The following PLXNA4 variants were observed in gnomAD, a reference collection of about 807,000 sequenced individuals.
PLXNA4 encodes plexin A4, also known as plexin-A4.
A neutral mutation model predicts 191.8 loss-of-function variants in PLXNA4; 44 were observed. The ratio of observed to expected loss-of-function variants is 0.23; its 90% confidence interval spans 0.18 to 0.29. The LOEUF (loss-of-function observed/expected upper bound fraction) is 0.29. Ranked by LOEUF, PLXNA4 falls within the 10% of genes least tolerant of loss-of-function variation. The probability of loss-of-function intolerance (pLI) is 1.00; values close to 1 mark genes in which losing one functional copy is unlikely to be tolerated. For missense variants in PLXNA4, 1,800 were observed against 2,488.8 expected, an observed-to-expected ratio of 0.72 and a Z score of 5.89; for synonymous variants, 1,082 against 1,009.5, an observed-to-expected ratio of 1.07 and a Z score of -1.36.
intron 4 of PLXNA4, among the ~76,000 whole-genome samples, chr7:132,258,288 G>A (rs537339613): frequency 3.4e-4 from 52 of 152,380 alleles, no homozygotes; most frequent in Non-Finnish European, 5.6e-4. Context: ...TGGCATTGGT[G>A]ACACCACAGG....
intron 24 of PLXNA4, 121 bp downstream of exon 24, chr7:132,164,021 C>T (rs1194403172): frequency 6.8e-7 from 1 of 1,474,866 alleles, no homozygotes; most frequent in Non-Finnish European, 9.1e-7. Context: ...TGGGCCCACA[C>T]AGCAGACACA....
At chr7:132,199,378 T>A (rs1797359901) in intron 12 of PLXNA4, among the ~76,000 whole-genome samples, 1 of 152,156 alleles carries the variant, frequency 6.6e-6, no homozygotes, top group South Asian at 2.1e-4. Context: ...CCACATAGAT[T>A]TAGGTTTAAT....
At chr7:132,478,370 T>TA in intron 3 of PLXNA4, among the ~76,000 whole-genome samples, 1 of 152,278 alleles carries the variant, frequency 6.6e-6, no homozygotes. Context: ...ATGCAACATT[T>TA]AAAAAAATAT....
At chr7:132,242,600 T>C (rs975065632) in intron 4 of PLXNA4, among the ~76,000 whole-genome samples, 1 of 152,230 alleles carries the variant, frequency 6.6e-6, no homozygotes, top group South Asian at 2.1e-4. Flanking sequence ...GCGTTCTTAA[T>C]GACCACACTG....
intron 10 of PLXNA4, among the ~76,000 whole-genome samples, chr7:132,206,676 C>G (rs942468806): frequency 2.0e-5 from 3 of 152,186 alleles, no homozygotes; most frequent in Middle Eastern, 3.4e-3. Context: ...GAGGCTCTCT[C>G]TCCTGTGGAT....
chr7:132,424,744 A>G (rs1284590708), intron 3 of PLXNA4, among the ~76,000 whole-genome samples: 2 of 152,260 alleles, frequency 1.3e-5, no homozygotes, highest in African/African-American at 2.4e-5. Context: ...TCTGATGGTT[A>G]CACATTACAT....
chr7:132,172,471 G>A (rs1474164799), intron 21 of PLXNA4, among the ~76,000 whole-genome samples: 1 of 152,144 alleles, frequency 6.6e-6, no homozygotes, highest in African/African-American at 2.4e-5. Flanking sequence ...GAGGTAAGCA[G>A]GAACCCCAGT....
chr7:132,130,706 A>T (rs2116489452), intron 31 of PLXNA4, 132 bp from the exon 32 acceptor site: 2 of 1,343,806 alleles, frequency 1.5e-6, no homozygotes, highest in Non-Finnish European at 2.0e-6. Context: ...CACACAGGAC[A>T]CTGCGGGGTA....
intron 13 of PLXNA4, 97 bp downstream of exon 13, chr7:132,198,388 C>T: frequency 6.7e-7 from 1 of 1,481,928 alleles, no homozygotes; most frequent in Non-Finnish European, 9.0e-7. Flanking sequence ...TCCCCCACAA[C>T]AAGCTCTGAG....
chr7:132,384,854 G>T, intron 3 of PLXNA4: 1 of 1,167,932 alleles, frequency 8.6e-7, no homozygotes, highest in African/African-American at 1.6e-5. Flanking sequence ...CCATATATCA[G>T]GCCCAAGAGA....
At chr7:132,427,126 G>A (rs1159435887) in intron 3 of PLXNA4, among the ~76,000 whole-genome samples, 1 of 152,216 alleles carries the variant, frequency 6.6e-6, no homozygotes, top group African/African-American at 2.4e-5. Context: ...GGGCAACTGG[G>A]TAAGACACTG....
chr7:132,345,379 T>C (rs924519775), intron 3 of PLXNA4, among the ~76,000 whole-genome samples: 3 of 152,218 alleles, frequency 2.0e-5, no homozygotes, highest in South Asian at 2.1e-4. Flanking sequence ...CATTAAGCAT[T>C]AACACTTCAT....
At chr7:132,249,392 A>C (rs1359424251) in intron 4 of PLXNA4, among the ~76,000 whole-genome samples, 2 of 152,232 alleles carry the variant, frequency 1.3e-5, no homozygotes, top group Non-Finnish European at 2.9e-5. Flanking sequence ...CGGACAGCCA[A>C]GGAGCGAGTG....
intron 13 of PLXNA4, among the ~76,000 whole-genome samples, chr7:132,195,834 T>C (rs1386269297): frequency 2.6e-5 from 4 of 152,368 alleles, no homozygotes; most frequent in African/African-American, 9.6e-5. Flanking sequence ...ACGCTTGTCA[T>C]CTTTCAACTG....
intron 3 of PLXNA4, among the ~76,000 whole-genome samples, chr7:132,330,538 T>G (rs1411473156): frequency 6.6e-6 from 1 of 152,206 alleles, no homozygotes; most frequent in African/African-American, 2.4e-5. Context: ...TACCGCACAC[T>G]TTAAAATGTG....
intron 13 of PLXNA4, among the ~76,000 whole-genome samples, chr7:132,197,701 T>C (rs1797295536): frequency 6.6e-6 from 1 of 152,132 alleles, no homozygotes; most frequent in Non-Finnish European, 1.5e-5. Context: ...TGAGGATGGC[T>C]GTACTGATGG....
At chr7:132,375,207 G>A (rs555554032) in intron 3 of PLXNA4, among the ~76,000 whole-genome samples, 19 of 152,160 alleles carry the variant, frequency 1.2e-4, no homozygotes, top group Admixed American at 2.6e-4. Flanking sequence ...GAGACTGATC[G>A]GGCTTTCCAG....
At chr7:132,546,417 A>C (rs1049511695) in intron 1 of PLXNA4, among the ~76,000 whole-genome samples, 2 of 152,166 alleles carry the variant, frequency 1.3e-5, no homozygotes, top group African/African-American at 4.8e-5. Flanking sequence ...ATCCCAATGC[A>C]CCAGTAAAAT....
rs1156994390 is a variant in PLXNA4, at chr7:132,128,783, G to A, written c.*1696C>T. The A allele has an allele frequency of 6.6e-6, 1 of 152,216 alleles. No homozygotes were observed. The highest frequency in any genetic ancestry group is 1.5e-5 in the Non-Finnish European group (1 of 68,048). The allele number at this position is 152,216 out of a possible 1,614,324, so 9.4% of individuals were successfully genotyped here. On this transcript the variant is annotated 3_prime_UTR_variant, in exon 32 of 32. Coordinates refer to ENST00000321063, the MANE Select transcript of PLXNA4 (RefSeq NM_020911.2). ...TGACAAGGAATGATGTCTGATGTTT[G>A]GGGAGTGAAGGCAAGACTGTGAATC...
Sources: gnomAD v4.1 joint callset for allele counts (sites outside exome capture counted in the v4.1 genomes callset) on GRCh38, gnomAD v4.1.1 for gene constraint, MANE v1.5 for transcripts, NCBI Gene and HGNC (gene_info 2026-07-23, HGNC 2026-07-21) for gene names.